The following HNRNPDL variants were observed in gnomAD, a reference collection of about 807,000 sequenced individuals.
HNRNPDL encodes heterogeneous nuclear ribonucleoprotein D like, also known as heterogeneous nuclear ribonucleoprotein D-like.
Under a neutral mutation model 48.0 loss-of-function variants are expected in HNRNPDL, and 18 were observed. That is an observed-to-expected ratio of 0.38 (90% confidence interval 0.26 to 0.56). HNRNPDL has a LOEUF of 0.56. HNRNPDL is among the 20% of genes least tolerant of loss of function. The pLI is 0.77. For missense variants in HNRNPDL, 553 were observed against 540.7 expected, an observed-to-expected ratio of 1.02 and a Z score of -0.23; for synonymous variants, 306 against 207.3, an observed-to-expected ratio of 1.48 and a Z score of -4.09.
intron 1 of HNRNPDL, 79 bp downstream of exon 1, chr4:82,429,169 G>A (rs1449174925): frequency 1.8e-5 from 23 of 1,297,306 alleles, no homozygotes; most frequent in Non-Finnish European, 2.6e-5. Flanking sequence ...AAGAATGGGG[G>A]CAGCGCGCGG....
In HNRNPDL at chr4:82,429,305, A is replaced by G. The variant is rs755129042; in HGVS notation, c.386T>C (p.Ile129Thr). 12 of 1,613,438 alleles carry G rather than the reference A, an allele frequency of 7.4e-6. No individual in the cohort carries two copies. Among genetic ancestry groups the G allele is most frequent in the African/African-American group, 1.3e-5 (1 of 74,802 alleles). The change falls in exon 1 of 8, where the codon ATA becomes ACA. Residue 129 changes from isoleucine to threonine, a missense_variant. Coordinates refer to ENST00000295470, the MANE Select transcript of HNRNPDL (RefSeq NM_031372.4). ...CTTGGATCCCTCTGCGAATTCCTCT[A>G]TATTGCTGTACTCGTTCATATCCTC... ...TMEDMNEYSN[I>T]EEFAEGSKIN... is the part of the protein sequence containing the mutation.
rs377281527 is a variant in HNRNPDL, at chr4:82,427,531, T to G, written c.808A>C (p.Thr270Pro). The change falls in exon 4 of 8, where the codon ACA becomes CCA. Residue 270 changes from threonine to proline, a missense_variant. By Grantham distance (38) the Thr-to-Pro change is conservative (BLOSUM62 -1). This residue lies in a region of HNRNPDL where 174 missense variants were observed against 204.6 expected (regional missense o/e 0.85). Coordinates refer to ENST00000295470, the MANE Select transcript of HNRNPDL (RefSeq NM_031372.4). ...ENIELPMDTK[T>P]NERRGFCFIT... ...AAACAAAATCCTCTTCTTTCATTTG[T>G]TTTTGTATCCATGGGAAGTTCAATA... 1 of 1,608,180 alleles carries G rather than the reference T, an allele frequency of 6.2e-7. No homozygotes were observed. The highest frequency in any genetic ancestry group is 8.5e-7 in the Non-Finnish European group (1 of 1,177,886).
In HNRNPDL at chr4:82,429,547, G is replaced by C. The variant is rs1476702301; in HGVS notation, c.144C>G (p.Ser48Arg). ...CCCGGCGCGCCCCCTGCCGGGCGGA[G>C]CTGGGAGCGAGCGAAGGGAGGAGCG... ...LAPLLPSLAP[S>R]SARQGARRAQ... The change falls in exon 1 of 8, where the codon AGC becomes AGG. Residue 48 changes from serine (S) to arginine (R), a missense_variant. This residue lies in a region of HNRNPDL where 327 missense variants were observed against 203.2 expected (regional missense o/e 1.61). Coordinates refer to ENST00000295470, the MANE Select transcript of HNRNPDL (RefSeq NM_031372.4). The C allele has an allele frequency of 6.8e-7, 1 of 1,460,586 alleles. No individual in the cohort carries two copies. The highest frequency in any genetic ancestry group is 9.0e-7 in the Non-Finnish European group (1 of 1,110,668). 90.5% of individuals were successfully genotyped at this position (1,460,586 alleles called of 1,614,324 possible).
At chr4:82,429,105 TCTTCCCTCCAATCTAGTGGGGC>T in intron 1 of HNRNPDL, 121 bp downstream of exon 1, 1 of 753,022 alleles carries the variant, frequency 1.3e-6, no homozygotes, top group South Asian at 1.6e-5. Flanking sequence ...CTTACTTTCC[TCTTCCCTCCAATCTAGTGGGGC>T]CCAGAAGGCA....
chr4:82,429,308 T>C lies in HNRNPDL; in HGVS notation c.383A>G (p.Asn128Ser). 2.5e-6 allele frequency: 4 copies of C among 1,613,836 alleles called. No homozygotes were observed. Among genetic ancestry groups the C allele is most frequent in the Non-Finnish European group, 2.5e-6 (3 of 1,179,892 alleles). Residue 128 changes from asparagine (N) to serine (S), a missense_variant, in exon 1 of 8, where the codon AAT becomes AGT. By Grantham distance (46) the Asn-to-Ser change is conservative (BLOSUM62 1). Coordinates refer to ENST00000295470, the MANE Select transcript of HNRNPDL (RefSeq NM_031372.4). ...GGATCCCTCTGCGAATTCCTCTATA[T>C]TGCTGTACTCGTTCATATCCTCCAT... ...VTMEDMNEYS[N>S]IEEFAEGSKI... is the part of the protein sequence containing the mutation.
At chr4:82,427,726 T>G (rs1046978026) in intron 3 of HNRNPDL, among the ~76,000 whole-genome samples, 162 bp from the exon 4 acceptor site, 22 of 152,236 alleles carry the variant, frequency 1.4e-4, no homozygotes, top group African/African-American at 5.1e-4. Context: ...CTACAGTGAT[T>G]TGTTGTATAT....
chr4:82,428,891 C>G (rs1416753268), intron 1 of HNRNPDL, among the ~76,000 whole-genome samples: 1 of 152,216 alleles, frequency 6.6e-6, no homozygotes, highest in Admixed American at 6.5e-5. Context: ...AAAACTCTTC[C>G]CAGGAAAACC....
At chr4:82,427,336 T>C in intron 4 of HNRNPDL, 32 bp from the exon 5 acceptor site, 2 of 1,537,638 alleles carry the variant, frequency 1.3e-6, no homozygotes, top group Non-Finnish European at 1.8e-6. Context: ...GTATAATTTT[T>C]ACCGAAGTTC....
At position 82,422,711 on chromosome 4, in the gene HNRNPDL, C is replaced by CATATAT; in HGVS notation, c.*2194_*2195insATATAT. On this transcript the variant is annotated 3_prime_UTR_variant, in exon 8 of 8. Coordinates refer to ENST00000295470, the MANE Select transcript of HNRNPDL (RefSeq NM_031372.4). Reference sequence around the variant, plus strand: ...GTCTGAACAATGCAAAAGGCAAATACGATGTATAAAAACATATACAAACCG... The same window carrying CATATAT: ...GTCTGAACAATGCAAAAGGCAAATACATATATGATGTATAAAAACATATACAAACCG... The CATATAT allele has an allele frequency of 6.6e-6, 1 of 152,008 alleles. No homozygotes were observed. The highest frequency in any genetic ancestry group is 1.5e-5 in the Non-Finnish European group (1 of 67,998). 9.4% of individuals were successfully genotyped at this position (152,008 alleles called of 1,614,324 possible). A position where few individuals can be genotyped will look rare whatever the true frequency, so the allele number is the denominator to read the frequency against.
At chr4:82,426,769 CTA>C (rs1306588149) in intron 5 of HNRNPDL, 136 bp from the exon 6 acceptor site, 1 of 717,444 alleles carries the variant, frequency 1.4e-6, no homozygotes, top group African/African-American at 1.8e-5. Flanking sequence ...GCTTGAAAAA[CTA>C]TTTTTCCAGC....
chr4:82,428,642 T>A (rs1721521582), intron 1 of HNRNPDL, among the ~76,000 whole-genome samples, 196 bp from the exon 2 acceptor site: 1 of 152,230 alleles, frequency 6.6e-6, no homozygotes, highest in Non-Finnish European at 1.5e-5. Flanking sequence ...GACAGCTCAC[T>A]GTCCGCACTA....
chr4:82,427,802 C>T (rs1439321650), intron 3 of HNRNPDL, among the ~76,000 whole-genome samples: 1 of 152,230 alleles, frequency 6.6e-6, no homozygotes, highest in Non-Finnish European at 1.5e-5. Context: ...CAAGTCCAAA[C>T]ACTGACCACA....
In HNRNPDL at chr4:82,423,270, G is replaced by A. The variant is rs1488760990; in HGVS notation, c.*1636C>T. Reference sequence around the variant, plus strand: ...AAAAGGACAATCTCAATGTCAACTCGTCACCTAATCATAAATTTGAACTTA... The same window carrying A: ...AAAAGGACAATCTCAATGTCAACTCATCACCTAATCATAAATTTGAACTTA... On this transcript the variant is annotated 3_prime_UTR_variant, in exon 8 of 8. Transcript: ENST00000295470. The A allele has an allele frequency of 4.6e-5, 7 of 152,106 alleles. No individual in the cohort carries two copies. In the South Asian group the frequency reaches 6.2e-4, roughly 14 times the overall value. The allele number at this position is 152,106 out of a possible 1,614,324, so 9.4% of individuals were successfully genotyped here.
At chr4:82,428,505 T>C (rs1212938435) in intron 1 of HNRNPDL, 59 bp from the exon 2 acceptor site, 69 of 1,328,494 alleles carry the variant, frequency 5.2e-5, no homozygotes, top group Non-Finnish European at 6.8e-5. Flanking sequence ...CCTTCAGTTC[T>C]GGAATTAAAT....
Position 82,429,541 on chromosome 4 carries a change from G to A in HNRNPDL, c.150C>T (p.Ala50=). Residue 50 remains alanine (A), a synonymous_variant, in exon 1 of 8, where the codon GCC becomes GCT. Transcript: ENST00000295470. ...PLLPSLAPSS[A]RQGARRAQRH... is the part of the protein sequence containing the mutation. ...GCTGGGCCCGGCGCGCCCCCTGCCG[G>A]GCGGAGCTGGGAGCGAGCGAAGGGA... 2.7e-6 allele frequency: 4 copies of A among 1,476,794 alleles called. No homozygotes were observed. Among genetic ancestry groups the A allele is most frequent in the South Asian group, 1.3e-5 (1 of 74,542 alleles). 91.5% of individuals were successfully genotyped at this position (1,476,794 alleles called of 1,614,324 possible). A position where few individuals can be genotyped will look rare whatever the true frequency, so the allele number is the denominator to read the frequency against.
At chr4:82,426,736 A>G in intron 5 of HNRNPDL, 103 bp from the exon 6 acceptor site, 1 of 933,372 alleles carries the variant, frequency 1.1e-6, no homozygotes, top group East Asian at 2.4e-5. Context: ...TAAAGGGCAG[A>G]ATGGACATAT....
rs749733287 is a variant in HNRNPDL, at chr4:82,429,453, T to C, written c.238A>G (p.Arg80Gly). The stretch of plus-strand genomic sequence containing the variant: ...CGGCGGAAGAGATCCGGGCGCCGCC[T>C]GCGCCCTCCCTTTATAGCCGCCCCG... ...AGGAAIKGGR[R>G]RRPDLFRRHF... is the part of the protein sequence containing the mutation. The change falls in exon 1 of 8, where the codon AGG becomes GGG. Residue 80 changes from arginine (R) to glycine (G), a missense_variant. By Grantham distance (125) the Arg-to-Gly change is moderately radical. Coordinates refer to ENST00000295470, the MANE Select transcript of HNRNPDL (RefSeq NM_031372.4). The C allele has an allele frequency of 3.7e-6, 6 of 1,606,540 alleles. No individual in the cohort carries two copies. In the South Asian group the frequency reaches 5.5e-5, roughly 15 times the overall value.
At chr4:82,428,550 T>C (rs1721516947) in intron 1 of HNRNPDL, 104 bp from the exon 2 acceptor site, 1 of 847,216 alleles carries the variant, frequency 1.2e-6, no homozygotes, top group Non-Finnish European at 1.8e-6. Context: ...ACCCCCTAAG[T>C]GTAGGCAATT....
chr4:82,427,320 A>G lies in HNRNPDL; in HGVS notation c.907-16T>C. ...TGATTTCACACTATAAACAAAAAACATGAAAGTATAATTTTTACCGAAGTT... is the reference window on the plus strand; with the variant it reads ...TGATTTCACACTATAAACAAAAAACGTGAAAGTATAATTTTTACCGAAGTT... On this transcript the variant is annotated splice_polypyrimidine_tract_variant and intron_variant, in intron 4 of 7. Coordinates refer to ENST00000295470, the MANE Select transcript of HNRNPDL (RefSeq NM_031372.4). 6.4e-7 allele frequency: 1 copy of G among 1,557,318 alleles called. No individual in the cohort carries two copies. Among genetic ancestry groups the G allele is most frequent in the Non-Finnish European group, 8.7e-7 (1 of 1,151,176 alleles).
Sources: allele counts gnomAD v4.1 joint callset (sites outside exome capture counted in the v4.1 genomes callset), GRCh38; gene constraint gnomAD v4.1.1; regional missense constraint gnomAD v4.1.1; transcripts MANE v1.5; gene names NCBI Gene and HGNC (gene_info 2026-07-23, HGNC 2026-07-21).